Variants in TCF4 observed in about 807,000 individuals in gnomAD.
TCF4 encodes transcription factor 4.
A neutral mutation model predicts 82.1 loss-of-function variants in TCF4; 3 were observed. The observed-to-expected ratio is 0.04, with a 90% CI of 0.02 to 0.09. The LOEUF (loss-of-function observed/expected upper bound fraction) is 0.09, where lower values mean the gene tolerates loss of function less well. Among genes scored for constraint, TCF4 ranks in the 10% least tolerant of loss-of-function variants. TCF4 has a pLI of 1.00. For synonymous variants in TCF4, 276 were observed against 309.6 expected, an observed-to-expected ratio of 0.89 and a Z score of 1.14; for missense variants, 518 against 852.7, an observed-to-expected ratio of 0.61 and a Z score of 4.89.
intron 5 of TCF4, among the ~76,000 whole-genome samples, chr18:55,453,007 T>C (rs914825049): frequency 3.3e-5 from 5 of 152,212 alleles, no homozygotes; most frequent in African/African-American, 1.2e-4. Context: ...TTATATATTT[T>C]TCTCTTTAAA....
intron 2 of TCF4, among the ~76,000 whole-genome samples, chr18:55,603,904 A>G (rs2097699773): frequency 6.6e-6 from 1 of 152,156 alleles, no homozygotes; most frequent in Non-Finnish European, 1.5e-5. Flanking sequence ...GAATAGCTCT[A>G]TGGTCCTCCT....
chr18:55,441,238 C>A (rs561236968), intron 5 of TCF4, among the ~76,000 whole-genome samples: 28 of 152,352 alleles, frequency 1.8e-4, no homozygotes, highest in Admixed American at 1.6e-3. Context: ...CACAGACTTG[C>A]TGAAGCTTCT....
chr18:55,275,488 A>G, intron 10 of TCF4, 131 bp downstream of exon 10: 1 of 1,180,186 alleles, frequency 8.5e-7, no homozygotes. Context: ...AAACAATACA[A>G]CTTAAGAATA....
At chr18:55,387,248 C>T (rs1359028757) in intron 6 of TCF4, among the ~76,000 whole-genome samples, 3 of 152,236 alleles carry the variant, frequency 2.0e-5, no homozygotes, top group Admixed American at 6.5e-5. Context: ...CTGAGAATCA[C>T]ATCTACTGAA....
intron 3 of TCF4, among the ~76,000 whole-genome samples, chr18:55,527,421 CA>C (rs1361771745): frequency 1.3e-5 from 2 of 152,182 alleles, no homozygotes; most frequent in Non-Finnish European, 2.9e-5. Flanking sequence ...TATATGCATA[CA>C]AGCACGTTTC....
At chr18:55,479,825 G>A (rs1435964224) in intron 3 of TCF4, among the ~76,000 whole-genome samples, 1 of 152,176 alleles carries the variant, frequency 6.6e-6, no homozygotes, top group Non-Finnish European at 1.5e-5. Context: ...CCTGACTAAT[G>A]CATCTTCCAA....
intron 3 of TCF4, among the ~76,000 whole-genome samples, chr18:55,575,965 T>G (rs1337875663): frequency 6.6e-6 from 1 of 152,188 alleles, no homozygotes; most frequent in Non-Finnish European, 1.5e-5. Flanking sequence ...ATTCCAGCTT[T>G]TGACCAAACA....
At chr18:55,441,184 C>G (rs933645759) in intron 5 of TCF4, among the ~76,000 whole-genome samples, 2 of 152,178 alleles carry the variant, frequency 1.3e-5, no homozygotes, top group Non-Finnish European at 2.9e-5. Flanking sequence ...TTTGCATAAC[C>G]AAATCAAGCT....
chr18:55,381,041 T>A (rs1217802471), intron 6 of TCF4, among the ~76,000 whole-genome samples: 1 of 152,168 alleles, frequency 6.6e-6, no homozygotes, highest in East Asian at 1.9e-4. Flanking sequence ...ACAAAATATA[T>A]CTCGATTTTT....
intron 16 of TCF4, 37 bp from the exon 17 acceptor site, chr18:55,232,708 C>T (rs2048242974): frequency 6.2e-7 from 1 of 1,613,232 alleles, no homozygotes; most frequent in Non-Finnish European, 8.5e-7. Context: ...ATGTACACCA[C>T]AATCTCACTG....
chr18:55,309,474 G>A lies in TCF4; in HGVS notation c.550-29818C>T, dbSNP rs572496850. The stretch of plus-strand genomic sequence containing the variant: ...GGCCAGTGGCTACCTCACTGAACAG[G>A]CCAGGCTTTGCCTGTGAAATGGGAT... On this transcript the variant is annotated intron_variant, in intron 8 of 19. Coordinates refer to ENST00000354452, the MANE Select transcript of TCF4 (RefSeq NM_001083962.2). 3.9e-5 allele frequency among the ~76,000 whole-genome samples: 6 copies of A among 152,174 alleles called. No individual in the cohort carries two copies. In the East Asian group the frequency reaches 1.2e-3, roughly 29 times the overall value.
At chr18:55,438,636 G>A (rs1294407430) in intron 5 of TCF4, among the ~76,000 whole-genome samples, 2 of 152,204 alleles carry the variant, frequency 1.3e-5, no homozygotes, top group African/African-American at 4.8e-5. Flanking sequence ...TGCAGTCCTG[G>A]TAGGAAAGGT....
intron 1 of TCF4, among the ~76,000 whole-genome samples, chr18:55,634,219 A>C (rs2097734069): frequency 6.6e-6 from 1 of 152,188 alleles, no homozygotes; most frequent in South Asian, 2.1e-4. Flanking sequence ...CAGTGAGCCA[A>C]GATTGTGCCA....
At chr18:55,385,261 T>C (rs1001481643) in intron 6 of TCF4, among the ~76,000 whole-genome samples, 1 of 152,218 alleles carries the variant, frequency 6.6e-6, no homozygotes, top group Admixed American at 6.5e-5. Flanking sequence ...CAAATACATT[T>C]AAACTTGACC....
chr18:55,263,560 T>C (rs566045914), intron 11 of TCF4, among the ~76,000 whole-genome samples: 14 of 152,148 alleles, frequency 9.2e-5, no homozygotes, highest in Admixed American at 2.6e-4. Flanking sequence ...GAGATTGAGA[T>C]TGCGCCATTG....
intron 8 of TCF4, among the ~76,000 whole-genome samples, chr18:55,314,703 G>A (rs139231761): frequency 0.013 from 1,923 of 151,746 alleles, 20 homozygotes; most frequent in Non-Finnish European, 0.02. Context: ...GGTAACCAAA[G>A]AGGTGAAGAT....
intron 6 of TCF4, among the ~76,000 whole-genome samples, chr18:55,356,649 T>C (rs999144911): frequency 2.0e-5 from 3 of 152,216 alleles, no homozygotes; most frequent in African/African-American, 7.2e-5. Context: ...TGCTACAGTA[T>C]TGGTCACTGA....
chr18:55,335,100 C>T lies in TCF4; in HGVS notation c.549+15259G>A, dbSNP rs371565886. On this transcript the variant is annotated intron_variant, in intron 8 of 19. Coordinates refer to ENST00000354452, the MANE Select transcript of TCF4 (RefSeq NM_001083962.2). ...ACACACATTCAAGCAGGAAGTGTGCCGGCCACAATCATGGGACTCACACCC... is the reference window on the plus strand; with the variant it reads ...ACACACATTCAAGCAGGAAGTGTGCTGGCCACAATCATGGGACTCACACCC... Among the ~76,000 whole-genome samples the T allele has an allele frequency of 1.4e-4, 22 of 152,260 alleles. No homozygotes were observed. In the East Asian group the frequency reaches 3.5e-3, roughly 24 times the overall value.
chr18:55,621,415 T>TAAAA (rs2097718005), intron 2 of TCF4, among the ~76,000 whole-genome samples: 2 of 119,298 alleles, frequency 1.7e-5, no homozygotes, highest in South Asian at 2.3e-4. Context: ...GCCTGATATA[T>TAAAA]ATATTATATA....
Sources: allele counts gnomAD v4.1 joint callset (sites outside exome capture counted in the v4.1 genomes callset), GRCh38; gene constraint gnomAD v4.1.1; transcripts MANE v1.5; gene names NCBI Gene and HGNC (gene_info 2026-07-23, HGNC 2026-07-21).